PLXDC2: variants seen among roughly 807,000 people sequenced by gnomAD.
PLXDC2 encodes the protein plexin domain containing 2, also known as plexin domain-containing protein 2.
PLXDC2 carries 40 observed loss-of-function variants against 68.9 expected under a neutral mutation model. That is an observed-to-expected ratio of 0.58 (90% CI 0.45 to 0.76). The LOEUF (loss-of-function observed/expected upper bound fraction) is 0.76, where lower values mean the gene tolerates loss of function less well. PLXDC2 is among the 30% of genes least tolerant of loss of function. The pLI, the probability that PLXDC2 is intolerant of heterozygous loss-of-function variation, is 0.00. For missense variants in PLXDC2, 644 were observed against 661.9 expected (o/e 0.97, Z 0.30); for synonymous variants, 243 against 234.2 (o/e 1.04, Z -0.34).
intron 1 of PLXDC2, among the ~76,000 whole-genome samples, chr10:19,952,702 A>G (rs1290828688): frequency 6.6e-6 from 1 of 152,120 alleles, no homozygotes; most frequent in South Asian, 2.1e-4. Flanking sequence ...TTGGATATGT[A>G]CCTATTTAAA....
At chr10:20,009,800 C>G (rs935718157) in intron 2 of PLXDC2, among the ~76,000 whole-genome samples, 1 of 150,274 alleles carries the variant, frequency 6.7e-6, no homozygotes, top group Non-Finnish European at 1.5e-5. Context: ...GTGTACGACA[C>G]TAAGGTGTTT....
At chr10:20,038,689 T>C (rs888139867) in intron 2 of PLXDC2, among the ~76,000 whole-genome samples, 13 of 152,222 alleles carry the variant, frequency 8.5e-5, no homozygotes, top group African/African-American at 3.1e-4. Context: ...GTTTAAATAA[T>C]GTTCATTTAA....
chr10:20,135,416 G>T (rs1005743114), intron 4 of PLXDC2, among the ~76,000 whole-genome samples: 2 of 152,202 alleles, frequency 1.3e-5, no homozygotes, highest in African/African-American at 4.8e-5. Context: ...GCTGTTGACA[G>T]TGACCATTAG....
intron 4 of PLXDC2, 27 bp from the exon 5 acceptor site, chr10:20,143,268 A>G (rs763267677): frequency 6.3e-7 from 1 of 1,585,600 alleles, no homozygotes; most frequent in Non-Finnish European, 8.6e-7. Context: ...CTTTTTCTGA[A>G]TATGTTTCCT....
intron 4 of PLXDC2, among the ~76,000 whole-genome samples, chr10:20,125,453 G>C (rs1833760264): frequency 6.6e-6 from 1 of 152,162 alleles, no homozygotes. Context: ...GCTGGATAGA[G>C]AGATTGTATA....
intron 1 of PLXDC2, among the ~76,000 whole-genome samples, chr10:19,870,070 A>T (rs1419725671): frequency 6.6e-6 from 1 of 152,220 alleles, no homozygotes; most frequent in Non-Finnish European, 1.5e-5. Flanking sequence ...GATGATCCCT[A>T]AGAGAAAGTA....
intron 4 of PLXDC2, among the ~76,000 whole-genome samples, chr10:20,135,658 A>G (rs1267310182): frequency 6.6e-6 from 1 of 152,062 alleles, no homozygotes; most frequent in Non-Finnish European, 1.5e-5. Flanking sequence ...AGCTGTGGAG[A>G]GCCTCTGTAT....
chr10:20,133,366 T>C (rs1211426105), intron 4 of PLXDC2, among the ~76,000 whole-genome samples: 1 of 152,204 alleles, frequency 6.6e-6, no homozygotes, highest in Non-Finnish European at 1.5e-5. Flanking sequence ...AGGTTCTCTT[T>C]ACCATTTCTT....
chr10:20,177,312 C>A lies in PLXDC2; in HGVS notation c.980-16C>A. ...GCCTGTTAGTCTTGGTGAATCTGTT[C>A]TTTCCTCTTCCCTAGCATGCCTCCA... is the stretch of plus-strand genomic sequence containing the variant. On this transcript the variant is annotated splice_polypyrimidine_tract_variant and intron_variant, in intron 8 of 13. Transcript: ENST00000377252. The A allele has an allele frequency of 6.3e-7, 1 of 1,576,958 alleles. No individual in the cohort carries two copies. The highest frequency in any genetic ancestry group is 8.7e-7 in the Non-Finnish European group (1 of 1,146,646).
chr10:20,157,429 T>C lies in PLXDC2; in HGVS notation c.784-7039T>C, dbSNP rs116170566. Among the ~76,000 whole-genome samples, 558 of 152,286 alleles carry C rather than the reference T, an allele frequency of 3.7e-3. 7 individuals carry two copies. Among genetic ancestry groups the C allele is most frequent in the African/African-American group, 0.013 (530 of 41,562 alleles). On this transcript the variant is annotated intron_variant, in intron 6 of 13. Coordinates refer to ENST00000377252, the MANE Select transcript of PLXDC2 (RefSeq NM_032812.9). ...ACTGGATAGATAGCTGGGCCTGTAA[T>C]GGAAACAAATGAATGTTTTGGTGAT...
intron 4 of PLXDC2, among the ~76,000 whole-genome samples, chr10:20,113,852 G>T (rs1011057436): frequency 6.6e-6 from 1 of 152,176 alleles, no homozygotes; most frequent in African/African-American, 2.4e-5. Context: ...GTGGCTGGGT[G>T]TGGTGTCTCA....
intron 2 of PLXDC2, among the ~76,000 whole-genome samples, chr10:20,024,409 T>TTA (rs1463078755): frequency 6.6e-6 from 1 of 152,180 alleles, no homozygotes; most frequent in Non-Finnish European, 1.5e-5. Context: ...TCATGCCTGT[T>TTA]CTTACTCATC....
chr10:19,837,062 A>C (rs1041458846), intron 1 of PLXDC2, among the ~76,000 whole-genome samples: 2 of 151,996 alleles, frequency 1.3e-5, no homozygotes. Flanking sequence ...TAAAAGAGAC[A>C]TTATTTATTT....
At position 20,027,710 on chromosome 10, in the gene PLXDC2, A is replaced by T. The variant is rs1049678647; in HGVS notation, c.325-19159A>T. Among the ~76,000 whole-genome samples, 4 of 130,202 alleles carry T rather than the reference A, an allele frequency of 3.1e-5. No individual in the cohort carries two copies. The Admixed American group carries it at 3.1e-4, about 10-fold the overall frequency. The allele number at this position is 130,202 out of a possible 152,430, so 85.4% of individuals were successfully genotyped here. A position where few individuals can be genotyped will look rare whatever the true frequency, so the allele number is the denominator to read the frequency against. ...ACAACCTGAAAAAAAAAAAAACCCC[A>T]TAAAATTCTACATCAAATCAATGCA... On this transcript the variant is annotated intron_variant, in intron 2 of 13. Transcript: ENST00000377252.
chr10:20,110,881 C>T (rs1043384930), intron 4 of PLXDC2, among the ~76,000 whole-genome samples: 1 of 152,110 alleles, frequency 6.6e-6, no homozygotes, highest in Non-Finnish European at 1.5e-5. Context: ...TTGAGCCATC[C>T]CTCCCTTTCC....
chr10:20,257,696 C>T (rs556728381), intron 13 of PLXDC2, among the ~76,000 whole-genome samples: 2 of 152,194 alleles, frequency 1.3e-5, no homozygotes, highest in African/African-American at 2.4e-5. Context: ...ATGCCTTAAG[C>T]AAATCGTTTT....
chr10:20,058,310 C>T (rs566991513), intron 3 of PLXDC2, among the ~76,000 whole-genome samples: 1 of 152,196 alleles, frequency 6.6e-6, no homozygotes, highest in South Asian at 2.1e-4. Context: ...AGTGGAGTGG[C>T]AGCTTGAAGT....
At chr10:20,099,442 C>T (rs1415292646) in intron 4 of PLXDC2, among the ~76,000 whole-genome samples, 1 of 152,160 alleles carries the variant, frequency 6.6e-6, no homozygotes, top group African/African-American at 2.4e-5. Flanking sequence ...TAAAAATCTT[C>T]CACCTACCAT....
intron 4 of PLXDC2, among the ~76,000 whole-genome samples, chr10:20,108,518 G>A (rs1390059741): frequency 6.6e-6 from 1 of 152,142 alleles, no homozygotes; most frequent in Non-Finnish European, 1.5e-5. Context: ...TACGTATTAT[G>A]TGGAGGAGAT....
Sources: gnomAD v4.1 joint callset for allele counts (sites outside exome capture counted in the v4.1 genomes callset) on GRCh38, gnomAD v4.1.1 for gene constraint, MANE v1.5 for transcripts, NCBI Gene and HGNC (gene_info 2026-07-23, HGNC 2026-07-21) for gene names.